The following RASSF8 variants were observed in gnomAD, a reference collection of about 807,000 sequenced individuals.
RASSF8 encodes Ras association domain family member 8.
Under a neutral mutation model 48.5 loss-of-function variants are expected in RASSF8, and 22 were observed. The ratio of observed to expected loss-of-function variants is 0.45; its 90% CI spans 0.32 to 0.65. RASSF8 has a LOEUF of 0.65. Among genes scored for constraint, RASSF8 ranks in the 30% least tolerant of loss-of-function variants. RASSF8 has a pLI of 0.03. For missense variants in RASSF8, 418 were observed against 489.2 expected (o/e 0.85, Z 1.37); for synonymous variants, 127 against 171.5 (o/e 0.74, Z 2.03).
At chr12:26,044,506 T>C (rs1247343314) in intron 2 of RASSF8, among the ~76,000 whole-genome samples, 1 of 152,146 alleles carries the variant, frequency 6.6e-6, no homozygotes, top group African/African-American at 2.4e-5. Flanking sequence ...AGTTGAGCTG[T>C]TTATATTATC....
intron 2 of RASSF8, among the ~76,000 whole-genome samples, chr12:25,998,430 A>G (rs1212855455): frequency 1.3e-5 from 2 of 150,650 alleles, no homozygotes; most frequent in African/African-American, 4.9e-5. Context: ...GCTCGCCGCA[A>G]CCTCCGCCTC....
chr12:26,027,079 A>C (rs1309194123), intron 2 of RASSF8, among the ~76,000 whole-genome samples: 1 of 152,272 alleles, frequency 6.6e-6, no homozygotes. Flanking sequence ...TATTTACTAC[A>C]ATATGGATGA....
In RASSF8 at chr12:26,071,811, C is replaced by G; in HGVS notation, c.*2993C>G. The G allele has an allele frequency of 1.1e-6, 1 of 895,576 alleles. No individual in the cohort carries two copies. The highest frequency in any genetic ancestry group is 1.3e-6 in the Non-Finnish European group (1 of 783,260). The allele number at this position is 895,576 out of a possible 1,614,324, so 55.5% of individuals were successfully genotyped here. ...TGATAGAGTAAAAACTATATAAATA[C>G]AGTAAAAAAAAAATAGAATTTATGG... On this transcript the variant is annotated 3_prime_UTR_variant, in exon 6 of 6. Transcript: ENST00000689635.
chr12:26,071,227 A>T lies in RASSF8; in HGVS notation c.*2409A>T. On this transcript the variant is annotated 3_prime_UTR_variant, in exon 6 of 6. Coordinates refer to ENST00000689635, the MANE Select transcript of RASSF8 (RefSeq NM_001394098.1). ...TCATAGGATCATCTGAAGATACTTT[A>T]GTATATTTGTGATCATTTTTATCTA... 1.0e-6 allele frequency: 1 copy of T among 981,536 alleles called. No homozygotes were observed. The highest frequency in any genetic ancestry group is 1.7e-5 in the African/African-American group (1 of 57,244). The allele number at this position is 981,536 out of a possible 1,614,324, so 60.8% of individuals were successfully genotyped here. A position where few individuals can be genotyped will look rare whatever the true frequency, so the allele number is the denominator to read the frequency against.
chr12:25,961,047 C>T (rs1296225377), intron 1 of RASSF8, among the ~76,000 whole-genome samples: 1 of 152,128 alleles, frequency 6.6e-6, no homozygotes, highest in East Asian at 1.9e-4. Context: ...AACCTTTTAA[C>T]CTGAATCTTC....
downstream of RASSF8, among the ~76,000 whole-genome samples, chr12:26,075,110 G>A (rs371539163): frequency 4.6e-5 from 7 of 152,080 alleles, no homozygotes; most frequent in Admixed American, 1.3e-4. Flanking sequence ...GTTTGTGCAC[G>A]TAACAAATTT....
Position 26,068,726 on chromosome 12 carries a change from C to T in RASSF8, c.1168C>T (p.Arg390Ter), listed in dbSNP as rs1240124038. 13 of 1,537,214 alleles carry T rather than the reference C, an allele frequency of 8.5e-6. No individual in the cohort carries two copies. The highest frequency in any genetic ancestry group is 2.7e-5 in the African/African-American group (2 of 73,038). The change falls in exon 6 of 6, where the codon CGA becomes TGA. Residue 390 changes from arginine (R) to a stop codon, truncating the protein, a stop_gained. Transcript: ENST00000689635. LOFTEE classifies it high-confidence loss of function. ...EAPFQSGSLK[R>*]PGSSRQLPSN... Reference sequence around the variant, plus strand: ...ACCATTCCAGTCTGGGTCCCTGAAGCGACCTGGTTCATCTCGGCAGCTCCC... The same window carrying T: ...ACCATTCCAGTCTGGGTCCCTGAAGTGACCTGGTTCATCTCGGCAGCTCCC...
intron 2 of RASSF8, among the ~76,000 whole-genome samples, chr12:26,003,104 C>T (rs551730497): frequency 2.6e-4 from 39 of 152,124 alleles, no homozygotes; most frequent in Non-Finnish European, 4.6e-4. Context: ...AGAGGGTGTC[C>T]TTTCCTCATG....
intron 3 of RASSF8, among the ~76,000 whole-genome samples, chr12:26,060,567 A>G (rs1368024691): frequency 6.6e-6 from 1 of 152,194 alleles, no homozygotes; most frequent in Non-Finnish European, 1.5e-5. Flanking sequence ...ATATATATAA[A>G]AGCATCAAAA....
chr12:26,058,081 C>A (rs950749360), intron 3 of RASSF8, among the ~76,000 whole-genome samples: 5 of 152,148 alleles, frequency 3.3e-5, no homozygotes, highest in African/African-American at 7.2e-5. Context: ...TGTGAACAAG[C>A]CAAAAACACA....
chr12:25,988,421 G>A (rs553146427), intron 1 of RASSF8, among the ~76,000 whole-genome samples: 2 of 152,220 alleles, frequency 1.3e-5, no homozygotes, highest in African/African-American at 2.4e-5. Context: ...AATCAAATCC[G>A]ATGAGCTAAG....
intron 1 of RASSF8, among the ~76,000 whole-genome samples, chr12:25,960,251 T>G (rs769080814): frequency 5.3e-5 from 8 of 152,302 alleles, no homozygotes; most frequent in Admixed American, 2.0e-4. Context: ...CTTTTTTGCC[T>G]TTCATCTTGG....
intron 1 of RASSF8, among the ~76,000 whole-genome samples, chr12:25,988,868 A>G (rs760061361): frequency 6.6e-6 from 1 of 152,214 alleles, no homozygotes; most frequent in East Asian, 1.9e-4. Flanking sequence ...TTCCTATAGT[A>G]TGTTTAGAGA....
chr12:26,017,266 A>G (rs1942673378), intron 2 of RASSF8, among the ~76,000 whole-genome samples: 2 of 152,212 alleles, frequency 1.3e-5, no homozygotes, highest in South Asian at 4.1e-4. Context: ...TTGGATATCA[A>G]TCTTTGTCCA....
At chr12:25,965,245 A>T (rs1941331172) in intron 1 of RASSF8, among the ~76,000 whole-genome samples, 1 of 151,942 alleles carries the variant, frequency 6.6e-6, no homozygotes, top group Admixed American at 6.6e-5. Context: ...CCAGCCTTAA[A>T]CAGCTTTATT....
chr12:26,031,594 G>T (rs1943031846), intron 2 of RASSF8, among the ~76,000 whole-genome samples: 1 of 152,166 alleles, frequency 6.6e-6, no homozygotes, highest in African/African-American at 2.4e-5. Context: ...AAGGACCTGA[G>T]ATGATAAAGG....
intron 5 of RASSF8, among the ~76,000 whole-genome samples, chr12:26,067,988 C>G (rs1364360393): frequency 1.3e-5 from 2 of 152,076 alleles, no homozygotes; most frequent in Admixed American, 6.6e-5. Context: ...CCAGACTAGT[C>G]TCAAACTCCT....
intron 1 of RASSF8, among the ~76,000 whole-genome samples, chr12:25,988,936 CACTTA>C (rs975392197): frequency 6.6e-6 from 1 of 152,154 alleles, no homozygotes; most frequent in Middle Eastern, 3.2e-3. Flanking sequence ...TAATTTTCTT[CACTTA>C]ACTTAAAAAC....
chr12:25,971,691 T>G (rs1352044266), intron 1 of RASSF8, among the ~76,000 whole-genome samples: 1 of 152,256 alleles, frequency 6.6e-6, no homozygotes, highest in Non-Finnish European at 1.5e-5. Context: ...TTAAAAAATG[T>G]ACTGTGCTTT....
Sources: gnomAD v4.1 joint callset for allele counts (sites outside exome capture counted in the v4.1 genomes callset) on GRCh38, gnomAD v4.1.1 for gene constraint, MANE v1.5 for transcripts, NCBI Gene and HGNC (gene_info 2026-07-23, HGNC 2026-07-21) for gene names.